Variants in COL21A1 observed in about 807,000 individuals in gnomAD.
The protein encoded by COL21A1 is collagen type XXI alpha 1 chain.
COL21A1 carries 149 observed loss-of-function variants against 137.9 expected under a neutral mutation model. The ratio of observed to expected loss-of-function variants is 1.08; its 90% CI spans 0.95 to 1.24. The LOEUF (loss-of-function observed/expected upper bound fraction) is 1.24. COL21A1 is among the 50% of genes most tolerant of loss of function. The pLI, the probability that COL21A1 is intolerant of heterozygous loss-of-function variation, is 0.00. For missense variants in COL21A1, 1,167 were observed against 1,158.4 expected, an observed-to-expected ratio of 1.01 and a Z score of -0.11; for synonymous variants, 456 against 391.5, an observed-to-expected ratio of 1.16 and a Z score of -1.95.
chr6:56,321,966 C>T (rs1764880036), intron 1 of COL21A1, among the ~76,000 whole-genome samples: 1 of 152,104 alleles, frequency 6.6e-6, no homozygotes, highest in African/African-American at 2.4e-5. Flanking sequence ...TTCTATGCAA[C>T]AACAACCAAC....
At chr6:56,280,466 G>A (rs2152333830) in intron 1 of COL21A1, among the ~76,000 whole-genome samples, 1 of 152,218 alleles carries the variant, frequency 6.6e-6, no homozygotes, top group East Asian at 1.9e-4. Flanking sequence ...CACTGACCTG[G>A]CCCGCTGGAG....
intron 1 of COL21A1, among the ~76,000 whole-genome samples, chr6:56,298,488 A>T (rs1459824791): frequency 1.3e-5 from 2 of 151,978 alleles, no homozygotes; most frequent in African/African-American, 2.4e-5. Flanking sequence ...TGTCTCTGTA[A>T]CCTATAATGT....
At chr6:56,339,932 G>C (rs1399338623) in intron 1 of COL21A1, among the ~76,000 whole-genome samples, 1 of 152,076 alleles carries the variant, frequency 6.6e-6, no homozygotes, top group Non-Finnish European at 1.5e-5. Flanking sequence ...ACCTCCAAAA[G>C]ATAATATGAT....
chr6:56,392,882 T>C (rs564113114), intron 1 of COL21A1, among the ~76,000 whole-genome samples: 1 of 152,250 alleles, frequency 6.6e-6, no homozygotes, highest in African/African-American at 2.4e-5. Context: ...CCCATGTTCA[T>C]AGAGAAGAAG....
intron 1 of COL21A1, among the ~76,000 whole-genome samples, chr6:56,335,809 A>G (rs1306885738): frequency 6.6e-6 from 1 of 152,158 alleles, no homozygotes; most frequent in Non-Finnish European, 1.5e-5. Context: ...AGGCTGAGCT[A>G]CCTACAGGGA....
intron 1 of COL21A1, among the ~76,000 whole-genome samples, chr6:56,281,217 A>G (rs1156389569): frequency 2.6e-5 from 4 of 152,206 alleles, no homozygotes; most frequent in Non-Finnish European, 4.4e-5. Flanking sequence ...GTTTGGGCTG[A>G]CAGAATAAAA....
intron 17 of COL21A1, among the ~76,000 whole-genome samples, chr6:56,100,154 T>G (rs528313551): frequency 6.6e-6 from 1 of 152,336 alleles, no homozygotes; most frequent in East Asian, 1.9e-4. Context: ...AGGACCTCAT[T>G]AAGATCATTT....
intron 1 of COL21A1, chr6:56,332,163 T>C (rs1427212355): frequency 1.3e-5 from 2 of 152,114 alleles, no homozygotes; most frequent in East Asian, 1.9e-4. Context: ...ATTCTTTTTT[T>C]CTAATTCTGT....
At chr6:56,370,713 C>A (rs1461184692) in intron 1 of COL21A1, among the ~76,000 whole-genome samples, 1 of 152,168 alleles carries the variant, frequency 6.6e-6, no homozygotes, top group Admixed American at 6.5e-5. Flanking sequence ...CTCTGGTCTT[C>A]TTTTTTTCCA....
chr6:56,205,488 A>G (rs1779707243), intron 1 of COL21A1, among the ~76,000 whole-genome samples: 1 of 152,238 alleles, frequency 6.6e-6, no homozygotes, highest in South Asian at 2.1e-4. Flanking sequence ...GAATATGTGT[A>G]AAGACAAAAT....
chr6:56,259,366 A>T (rs1343236498), intron 1 of COL21A1, among the ~76,000 whole-genome samples: 1 of 151,920 alleles, frequency 6.6e-6, no homozygotes, highest in Non-Finnish European at 1.5e-5. Context: ...CATCTCTCTG[A>T]CTCCGCACCA....
At chr6:56,113,596 C>T (rs1457105182) in intron 16 of COL21A1, among the ~76,000 whole-genome samples, 1 of 152,188 alleles carries the variant, frequency 6.6e-6, no homozygotes, top group Non-Finnish European at 1.5e-5. Context: ...CTTGGTGAAC[C>T]TCTGAGACTT....
chr6:56,390,534 ACG>A (rs2094027430), intron 1 of COL21A1, among the ~76,000 whole-genome samples: 2 of 149,774 alleles, frequency 1.3e-5, no homozygotes, highest in Non-Finnish European at 3.0e-5. Context: ...ACACACACAC[ACG>A]ACCCTACTAT....
chr6:56,265,773 A>G (rs1370173713), intron 1 of COL21A1, among the ~76,000 whole-genome samples: 1 of 152,248 alleles, frequency 6.6e-6, no homozygotes, highest in Admixed American at 6.5e-5. Context: ...ATTTAACACT[A>G]CTTGTTGACA....
chr6:56,168,229 A>C lies in COL21A1; in HGVS notation c.1095T>G (p.Ile365Met). The change falls in exon 6 of 30, where the codon ATT (isoleucine) becomes ATG (methionine). Residue 365 changes from isoleucine (I) to methionine (M), a missense_variant. Ile to Met is a conservative substitution (Grantham distance 10). Transcript: ENST00000244728. ...GCTTGTTTTCAATTTGTTGGTCATC[A>C]ATATACAAAGTCACATCTTGTTCTG... Reference protein sequence around the residue: ...LVTEQDVTLYIDDQQIENKPL... With the variant: ...LVTEQDVTLYMDDQQIENKPL... The C allele has an allele frequency of 6.4e-7, 1 of 1,574,372 alleles. No homozygotes were observed.
chr6:56,385,770 T>C (rs910933361), intron 1 of COL21A1, among the ~76,000 whole-genome samples: 1 of 152,170 alleles, frequency 6.6e-6, no homozygotes, highest in African/African-American at 2.4e-5. Context: ...TCTATCTCTG[T>C]GAATTTACCT....
intron 1 of COL21A1, among the ~76,000 whole-genome samples, chr6:56,338,293 C>A (rs1765380459): frequency 6.6e-6 from 1 of 152,110 alleles, no homozygotes; most frequent in Non-Finnish European, 1.5e-5. Context: ...TCTTCCAGCG[C>A]TTTGGAGAAG....
chr6:56,068,032 A>C (rs768939274), intron 22 of COL21A1, among the ~76,000 whole-genome samples: 8 of 151,712 alleles, frequency 5.3e-5, no homozygotes, highest in Non-Finnish European at 8.9e-5. Flanking sequence ...ATTTTCTTTT[A>C]AATGGCAACA....
intron 1 of COL21A1, among the ~76,000 whole-genome samples, chr6:56,212,455 G>A (rs1191013794): frequency 6.6e-6 from 1 of 151,934 alleles, no homozygotes; most frequent in Non-Finnish European, 1.5e-5. Context: ...AGGGATTCTA[G>A]GTTTATACGA....
Sources: allele counts gnomAD v4.1 joint callset (sites outside exome capture counted in the v4.1 genomes callset), GRCh38; gene constraint gnomAD v4.1.1; transcripts MANE v1.5; gene names NCBI Gene and HGNC (gene_info 2026-07-23, HGNC 2026-07-21).